Variants in PGCKA1 observed in about 807,000 individuals in gnomAD.
PGCKA1 encodes PDCD10 and GCKIII kinases-associated protein 1.
chr4:37,575,028 C>T, the PGCKA1 span, among the ~76,000 whole-genome samples: 541 of 151,670 alleles, frequency 3.6e-3, 5 homozygotes, highest in African/African-American at 0.012. Context: ...GCTTCCAAAT[C>T]TTGGCTATTG....
chr4:37,521,794 C>G, the PGCKA1 span, among the ~76,000 whole-genome samples: 1 of 152,132 alleles, frequency 6.6e-6, no homozygotes, highest in African/African-American at 2.4e-5. Context: ...GTTGAAGTCT[C>G]CAGCTATTAT....
chr4:37,516,686 G>A, the PGCKA1 span, among the ~76,000 whole-genome samples: 1 of 152,106 alleles, frequency 6.6e-6, no homozygotes, highest in Non-Finnish European at 1.5e-5. Flanking sequence ...ATACTCTTGT[G>A]ACACGCTGCA....
chr4:37,578,104 A>T, the PGCKA1 span, among the ~76,000 whole-genome samples: 1 of 152,106 alleles, frequency 6.6e-6, no homozygotes, highest in African/African-American at 2.4e-5. Flanking sequence ...TTCTTTGCTG[A>T]TATTCTGTGT....
At chr4:37,459,991 C>G in the PGCKA1 span, among the ~76,000 whole-genome samples, 1 of 152,090 alleles carries the variant, frequency 6.6e-6, no homozygotes, top group Admixed American at 6.5e-5. Flanking sequence ...CTCTCCTCCC[C>G]CTGCCCTCCC....
the PGCKA1 span, among the ~76,000 whole-genome samples, chr4:37,569,559 A>G: frequency 0.24 from 37,075 of 152,024 alleles, 4,582 homozygotes; most frequent in South Asian, 0.34. Context: ...TCACCCAAAC[A>G]CCATATAGCT....
the PGCKA1 span, among the ~76,000 whole-genome samples, chr4:37,543,946 T>G: frequency 1.3e-5 from 2 of 152,218 alleles, no homozygotes; most frequent in African/African-American, 4.8e-5. Flanking sequence ...CCATCATCCT[T>G]GGTAATACTT....
chr4:37,468,984 TG>T, the PGCKA1 span, among the ~76,000 whole-genome samples: 1 of 152,232 alleles, frequency 6.6e-6, no homozygotes, highest in African/African-American at 2.4e-5. Flanking sequence ...TAACAACGTT[TG>T]GGTCATATAC....
the PGCKA1 span, among the ~76,000 whole-genome samples, chr4:37,491,447 G>A: frequency 1.6e-4 from 25 of 152,256 alleles, 1 homozygote; most frequent in South Asian, 5.0e-3. Context: ...AATATCCCTG[G>A]AGTTAGTTTT....
the PGCKA1 span, among the ~76,000 whole-genome samples, chr4:37,575,241 A>G: frequency 6.6e-6 from 1 of 151,928 alleles, no homozygotes; most frequent in African/African-American, 2.4e-5. Flanking sequence ...TCTCTTCTCC[A>G]CATCCTCACC....
chr4:37,520,559 T>C, the PGCKA1 span, among the ~76,000 whole-genome samples: 1 of 152,240 alleles, frequency 6.6e-6, no homozygotes, highest in Non-Finnish European at 1.5e-5. Context: ...TAGTTGCTCA[T>C]AGTAGCCACT....
At chr4:37,457,334 A>G in the PGCKA1 span, among the ~76,000 whole-genome samples, 6 of 152,226 alleles carry the variant, frequency 3.9e-5, no homozygotes, top group African/African-American at 1.4e-4. Context: ...TGACCACAAC[A>G]TGGCCTGCTG....
At chr4:37,547,829 T>C in the PGCKA1 span, among the ~76,000 whole-genome samples, 1 of 152,184 alleles carries the variant, frequency 6.6e-6, no homozygotes, top group Admixed American at 6.5e-5. Context: ...GTCTTATTAA[T>C]AGCAAAGGAT....
the PGCKA1 span, among the ~76,000 whole-genome samples, chr4:37,582,524 C>G: frequency 6.6e-6 from 1 of 152,220 alleles, no homozygotes; most frequent in Non-Finnish European, 1.5e-5. Flanking sequence ...TGTCATGTCT[C>G]TTAAATCTCC....
chr4:37,476,441 T>C, the PGCKA1 span, among the ~76,000 whole-genome samples: 1 of 152,200 alleles, frequency 6.6e-6, no homozygotes, highest in Non-Finnish European at 1.5e-5. Context: ...ATCTTCATAA[T>C]CATTACTAGA....
At chr4:37,563,045 T>C in the PGCKA1 span, among the ~76,000 whole-genome samples, 74,713 of 151,936 alleles carry the variant, frequency 0.49, 18,919 homozygotes, top group East Asian at 0.67. Flanking sequence ...TCTGCACACG[T>C]AGGTTCATCT....
chr4:37,574,683 T>C, the PGCKA1 span, among the ~76,000 whole-genome samples: 1 of 152,212 alleles, frequency 6.6e-6, no homozygotes, highest in Admixed American at 6.5e-5. Flanking sequence ...AGCTATCAAA[T>C]ACCAGGCCTT....
the PGCKA1 span, among the ~76,000 whole-genome samples, chr4:37,576,078 A>G: frequency 6.6e-6 from 1 of 151,886 alleles, no homozygotes; most frequent in African/African-American, 2.4e-5. Flanking sequence ...GGCTAGTCTG[A>G]GTCTTTTGTG....
the PGCKA1 span, among the ~76,000 whole-genome samples, chr4:37,480,133 T>C: frequency 1.3e-5 from 2 of 152,092 alleles, no homozygotes; most frequent in Admixed American, 1.3e-4. Flanking sequence ...AGGGAGGTCG[T>C]AAGAGTTAAA....
the PGCKA1 span, among the ~76,000 whole-genome samples, chr4:37,536,046 T>C: frequency 1.3e-5 from 2 of 152,234 alleles, no homozygotes; most frequent in East Asian, 3.8e-4. Flanking sequence ...TAAATATTTA[T>C]TCCATTAATA....
Sources: allele counts gnomAD v4.1 joint callset (sites outside exome capture counted in the v4.1 genomes callset), GRCh38; gene constraint gnomAD v4.1.1; transcripts MANE v1.5; gene names NCBI Gene and HGNC (gene_info 2026-07-23, HGNC 2026-07-21).